GCH1: variants seen among roughly 807,000 people sequenced by gnomAD.
GCH1 encodes GTP cyclohydrolase 1.
Under a neutral mutation model 25.9 loss-of-function variants are expected in GCH1, and 5 were observed. The observed-to-expected ratio is 0.19, with a 90% CI of 0.10 to 0.41. GCH1 has a LOEUF of 0.41. GCH1 is among the 10% of genes least tolerant of loss of function. The pLI, the probability that GCH1 is intolerant of heterozygous loss-of-function variation, is 1.00. For missense variants in GCH1, 261 were observed against 336.5 expected (o/e 0.78, Z 1.75); for synonymous variants, 159 against 129.6 (o/e 1.23, Z -1.54).
intron 1 of GCH1, among the ~76,000 whole-genome samples, chr14:54,896,915 T>C (rs2040493175): frequency 2.3e-5 from 3 of 129,448 alleles, no homozygotes. Context: ...TGAGACTTCA[T>C]CTCAAAAAAA....
rs773232145 is a variant in GCH1 at position 54,844,104 on chromosome 14, G to C, written c.666C>G (p.Asn222Lys). 2 of 1,613,820 alleles carry C rather than the reference G, an allele frequency of 1.2e-6. No individual in the cohort carries two copies. Among genetic ancestry groups the C allele is most frequent in the Non-Finnish European group, 1.7e-6 (2 of 1,179,864 alleles). The change falls in exon 6 of 6, where the codon AAC becomes AAG. Residue 222 changes from asparagine (N) to lysine (K), a missense_variant. By Grantham distance (94) the Asn-to-Lys change is moderately conservative (BLOSUM62 0). This residue lies in a region of GCH1 where 130 missense variants were observed against 184.1 expected (regional missense o/e 0.71). Transcript: ENST00000491895. ...ACATTGTGCTGGTCACAGTTTTGCT[G>C]TTCATTTTCTGTACACCTCGCATTA... The part of the protein sequence containing the change: ...CMVMRGVQKM[N>K]SKTVTSTMLG...
rs891354747 is a variant in GCH1, at chr14:54,873,268, T to C, written c.344-7832A>G. The stretch of plus-strand genomic sequence containing the variant: ...TACTGGGTACATAACGAAATGAAGG[T>C]AGACATAAAGATGTTCTTTGAAACT... On this transcript the variant is annotated intron_variant, in intron 1 of 5. Transcript: ENST00000491895. Among the ~76,000 whole-genome samples, 10 of 152,144 alleles carry C rather than the reference T, an allele frequency of 6.6e-5. No homozygotes were observed. In the East Asian group the frequency reaches 1.5e-3, roughly 24 times the overall value.
intron 1 of GCH1, among the ~76,000 whole-genome samples, chr14:54,875,054 G>A (rs1168790063): frequency 1.1e-4 from 16 of 152,072 alleles, no homozygotes; most frequent in South Asian, 2.1e-4. Context: ...GAGGCATCAC[G>A]CTACCTGACT....
At chr14:54,881,591 T>G (rs1212168633) in intron 1 of GCH1, among the ~76,000 whole-genome samples, 1 of 152,052 alleles carries the variant, frequency 6.6e-6, no homozygotes, top group Admixed American at 6.6e-5. Context: ...ACCCAAACAT[T>G]CCACAGACTG....
At position 54,885,961 on chromosome 14, in the gene GCH1, A is replaced by T. The variant is rs561664354; in HGVS notation, c.343+16360T>A. ...CAGTTCACACAACAGCCCAGACAGG[A>T]CCTGCTGGAGACTATCAGCATCCTG... On this transcript the variant is annotated intron_variant, in intron 1 of 5. Coordinates refer to ENST00000491895, the MANE Select transcript of GCH1 (RefSeq NM_000161.3). 2.7e-5 allele frequency: 7 copies of T among 256,054 alleles called. No individual in the cohort carries two copies. In the East Asian group the frequency reaches 7.6e-4, roughly 28 times the overall value. The allele number at this position is 256,054 out of a possible 1,614,324, so 15.9% of individuals were successfully genotyped here. A position where few individuals can be genotyped will look rare whatever the true frequency, so the allele number is the denominator to read the frequency against.
At chr14:54,875,711 G>A (rs1396878120) in intron 1 of GCH1, among the ~76,000 whole-genome samples, 11 of 152,322 alleles carry the variant, frequency 7.2e-5, no homozygotes, top group African/African-American at 2.6e-4. Flanking sequence ...CTTCTCAAAA[G>A]AAGACCTTTA....
chr14:54,843,538 A>T lies in GCH1; in HGVS notation c.*479T>A. 1 of 1,347,942 alleles carries T rather than the reference A, an allele frequency of 7.4e-7. No homozygotes were observed. Among genetic ancestry groups the T allele is most frequent in the Non-Finnish European group, 9.5e-7 (1 of 1,051,136 alleles). 83.5% of individuals were successfully genotyped at this position (1,347,942 alleles called of 1,614,324 possible). A position where few individuals can be genotyped will look rare whatever the true frequency, so the allele number is the denominator to read the frequency against. ...ACTGGTGGTTTAATAAACATGACCA[A>T]AGTGAAGTCTGTTGAACTTGAATTC... On this transcript the variant is annotated 3_prime_UTR_variant, in exon 6 of 6. Coordinates refer to ENST00000491895, the MANE Select transcript of GCH1 (RefSeq NM_000161.3).
At chr14:54,874,111 C>T (rs764291314) in intron 1 of GCH1, among the ~76,000 whole-genome samples, 36 of 152,250 alleles carry the variant, frequency 2.4e-4, no homozygotes, top group Middle Eastern at 3.4e-3. Flanking sequence ...GCTGGCTAAC[C>T]GAATCCAGCA....
Position 54,902,568 on chromosome 14 carries a change from G to A in GCH1, c.96C>T (p.Pro32=). ...GCGGGGGCTTCTCCGCCGGCCTGCTGGGCCCGGGCCGCGGCGGATCCCGCT... is the reference window on the plus strand; with the variant it reads ...GCGGGGGCTTCTCCGCCGGCCTGCTAGGCCCGGGCCGCGGCGGATCCCGCT... ...FPERDPPRPG[P]SRPAEKPPRP... The change falls in exon 1 of 6, where the codon CCC becomes CCT. Residue 32 remains proline, a synonymous_variant. Transcript: ENST00000491895. The A allele has an allele frequency of 1.3e-6, 2 of 1,496,102 alleles. No individual in the cohort carries two copies. Among genetic ancestry groups the A allele is most frequent in the Non-Finnish European group, 1.8e-6 (2 of 1,125,662 alleles). 92.7% of individuals were successfully genotyped at this position (1,496,102 alleles called of 1,614,324 possible). A position where few individuals can be genotyped will look rare whatever the true frequency, so the allele number is the denominator to read the frequency against.
intron 1 of GCH1, among the ~76,000 whole-genome samples, chr14:54,884,198 G>A (rs984655799): frequency 5.9e-5 from 9 of 152,160 alleles, no homozygotes; most frequent in African/African-American, 2.2e-4. Context: ...AGGTTAAATT[G>A]TAAAACTGAT....
chr14:54,865,197 A>G, intron 2 of GCH1, 130 bp downstream of exon 2: 2 of 615,270 alleles, frequency 3.3e-6, no homozygotes, highest in South Asian at 1.9e-5. Flanking sequence ...ATAAAGAATA[A>G]CCATATATGT....
intron 2 of GCH1, among the ~76,000 whole-genome samples, chr14:54,859,999 G>T (rs1276414101): frequency 2.0e-5 from 3 of 152,114 alleles, no homozygotes; most frequent in Admixed American, 2.0e-4. Flanking sequence ...GTTGTCCGTT[G>T]GTAAATGCGG....
At chr14:54,850,773 C>T (rs554525050) in intron 3 of GCH1, among the ~76,000 whole-genome samples, 1 of 152,164 alleles carries the variant, frequency 6.6e-6, no homozygotes, top group Non-Finnish European at 1.5e-5. Flanking sequence ...ATGATGGTTT[C>T]CAGCTTCATC....
chr14:54,870,906 G>C (rs979439580), intron 1 of GCH1, among the ~76,000 whole-genome samples: 6 of 152,232 alleles, frequency 3.9e-5, no homozygotes, highest in African/African-American at 1.4e-4. Flanking sequence ...TGCCTCCGTA[G>C]ACTCCACCTC....
At chr14:54,868,028 C>T (rs2040013939) in intron 1 of GCH1, among the ~76,000 whole-genome samples, 2 of 152,152 alleles carry the variant, frequency 1.3e-5, no homozygotes, top group South Asian at 2.1e-4. Context: ...GAGAAGGGCA[C>T]ATCACCTCTG....
chr14:54,845,976 C>T (rs2039636923), intron 4 of GCH1, 124 bp from the exon 5 acceptor site: 1 of 704,228 alleles, frequency 1.4e-6, no homozygotes, highest in Non-Finnish European at 2.6e-6. Flanking sequence ...CCAAGACACA[C>T]CAGCTTTTAC....
intron 1 of GCH1, among the ~76,000 whole-genome samples, chr14:54,890,007 T>C (rs983060760): frequency 6.6e-6 from 1 of 152,190 alleles, no homozygotes; most frequent in Admixed American, 6.5e-5. Flanking sequence ...AAAAAACTTA[T>C]TCAATTTTAG....
chr14:54,902,547 G>C lies in GCH1; in HGVS notation c.117C>G (p.Pro39=). ...GCGCGCTCTTGGCCTCGGGCCGCGGGGGCTTCTCCGCCGGCCTGCTGGGCC... is the reference window on the plus strand; with the variant it reads ...GCGCGCTCTTGGCCTCGGGCCGCGGCGGCTTCTCCGCCGGCCTGCTGGGCC... ...RPGPSRPAEK[P]PRPEAKSAQP... The change falls in exon 1 of 6, where the codon CCC becomes CCG. Residue 39 remains proline, a synonymous_variant. Coordinates refer to ENST00000491895, the MANE Select transcript of GCH1 (RefSeq NM_000161.3). The C allele has an allele frequency of 6.5e-7, 1 of 1,539,566 alleles. No individual in the cohort carries two copies. The highest frequency in any genetic ancestry group is 1.2e-5 in the South Asian group (1 of 82,782).
At chr14:54,885,766 G>A (rs2040343150) in intron 1 of GCH1, among the ~76,000 whole-genome samples, 1 of 152,206 alleles carries the variant, frequency 6.6e-6, no homozygotes, top group African/African-American at 2.4e-5. Context: ...GAATGCGCCT[G>A]TAGTCCTGGC....
Sources: allele counts gnomAD v4.1 joint callset (sites outside exome capture counted in the v4.1 genomes callset), GRCh38; gene constraint gnomAD v4.1.1; regional missense constraint gnomAD v4.1.1; transcripts MANE v1.5; gene names NCBI Gene and HGNC (gene_info 2026-07-23, HGNC 2026-07-21).